CDC14B: variants seen among roughly 807,000 people sequenced by gnomAD.
CDC14B encodes the protein cell division cycle 14B.
CDC14B carries 22 observed loss-of-function variants against 64.2 expected under a neutral mutation model. That is an observed-to-expected ratio of 0.34 (90% CI 0.24 to 0.49). The LOEUF (loss-of-function observed/expected upper bound fraction) is 0.49, where lower values mean the gene tolerates loss of function less well. CDC14B is among the 20% of genes least tolerant of loss of function. The pLI is 0.99. For synonymous variants in CDC14B, 191 were observed against 215.8 expected (o/e 0.89, Z 1.01); for missense variants, 498 against 629.9 (o/e 0.79, Z 2.24).
chr9:96,509,259 A>G (rs1348385254), intron 13 of CDC14B, among the ~76,000 whole-genome samples: 1 of 152,208 alleles, frequency 6.6e-6, no homozygotes, highest in Non-Finnish European at 1.5e-5. Flanking sequence ...GAGGACAAAG[A>G]GTCACTAGGT....
chr9:96,551,201 C>T (rs769045335), intron 5 of CDC14B, among the ~76,000 whole-genome samples: 4 of 148,282 alleles, frequency 2.7e-5, no homozygotes, highest in Non-Finnish European at 4.4e-5. Flanking sequence ...ACTGCACCCT[C>T]GAACTCCTAG....
At chr9:96,617,266 G>T (rs182542519) in intron 1 of CDC14B, among the ~76,000 whole-genome samples, 3 of 151,792 alleles carry the variant, frequency 2.0e-5, no homozygotes, top group Middle Eastern at 3.4e-3. Context: ...CTATTTTTCT[G>T]AAGTTGATTA....
chr9:96,617,971 G>A (rs1588090004), intron 1 of CDC14B, among the ~76,000 whole-genome samples: 1 of 152,260 alleles, frequency 6.6e-6, no homozygotes, highest in South Asian at 2.1e-4. Flanking sequence ...AGTCTCAGCA[G>A]GCTTCACCTC....
downstream of CDC14B, chr9:96,496,393 T>TA (rs1833240194): frequency 2.1e-6 from 1 of 481,866 alleles, no homozygotes; most frequent in Non-Finnish European, 4.1e-6. Flanking sequence ...GCGCTGTACT[T>TA]ACCACCACCA....
intron 1 of CDC14B, among the ~76,000 whole-genome samples, chr9:96,583,216 C>T (rs1255353623): frequency 6.6e-6 from 1 of 152,038 alleles, no homozygotes; most frequent in African/African-American, 2.4e-5. Flanking sequence ...TGACTATCCA[C>T]ATATGCAGAT....
At chr9:96,595,078 G>T (rs886333008) in intron 1 of CDC14B, among the ~76,000 whole-genome samples, 1 of 152,154 alleles carries the variant, frequency 6.6e-6, no homozygotes, top group African/African-American at 2.4e-5. Context: ...TTGAACCCGG[G>T]AGGCAGAGGT....
At chr9:96,546,143 G>A (rs189592370) in intron 5 of CDC14B, among the ~76,000 whole-genome samples, 22 of 152,226 alleles carry the variant, frequency 1.4e-4, no homozygotes, top group South Asian at 8.3e-4. Context: ...CAAAAACTAC[G>A]AATGACCCAA....
chr9:96,548,814 A>AG (rs1160623986), intron 5 of CDC14B, among the ~76,000 whole-genome samples: 26 of 152,046 alleles, frequency 1.7e-4, no homozygotes, highest in East Asian at 7.7e-4. Flanking sequence ...AAAAAAAAAA[A>AG]AGAGAGAGAG....
chr9:96,619,080 C>T, intron 1 of CDC14B, 139 bp downstream of exon 1: 1 of 567,260 alleles, frequency 1.8e-6, no homozygotes, highest in Non-Finnish European at 2.5e-6. Flanking sequence ...GGTGTGGCGG[C>T]CGGGGCGTTT....
chr9:96,553,893 C>T (rs1017467310), intron 4 of CDC14B, among the ~76,000 whole-genome samples: 1 of 151,916 alleles, frequency 6.6e-6, no homozygotes, highest in African/African-American at 2.4e-5. Context: ...CGGAAGGGTG[C>T]GGTGGCTCAC....
At chr9:96,558,869 T>C (rs748962914) in intron 4 of CDC14B, among the ~76,000 whole-genome samples, 15 of 152,252 alleles carry the variant, frequency 9.9e-5, no homozygotes, top group Non-Finnish European at 2.2e-4. Context: ...TCATCTTTTA[T>C]ATTTTTCAAC....
chr9:96,512,378 A>C (rs1228744061), intron 12 of CDC14B, among the ~76,000 whole-genome samples: 2 of 141,414 alleles, frequency 1.4e-5, no homozygotes, highest in East Asian at 4.2e-4. Context: ...CCCAGGCTGG[A>C]GTGCAGTGGC....
intron 4 of CDC14B, among the ~76,000 whole-genome samples, chr9:96,555,791 C>A (rs1476428915): frequency 6.6e-6 from 1 of 152,166 alleles, no homozygotes; most frequent in Non-Finnish European, 1.5e-5. Flanking sequence ...AGTCATGGCA[C>A]AAAGTTCTTT....
intron 7 of CDC14B, among the ~76,000 whole-genome samples, chr9:96,535,301 C>G (rs1230575146): frequency 6.6e-6 from 1 of 152,038 alleles, no homozygotes; most frequent in Non-Finnish European, 1.5e-5. Context: ...GAGCGAAACT[C>G]TGTCTCAAAA....
At chr9:96,611,620 A>T (rs552708428) in intron 1 of CDC14B, among the ~76,000 whole-genome samples, 1 of 152,334 alleles carries the variant, frequency 6.6e-6, no homozygotes, top group East Asian at 1.9e-4. Context: ...CCAGGGTAAT[A>T]AAAAATAGAT....
chr9:96,505,459 A>G (rs1480452137), intron 13 of CDC14B, among the ~76,000 whole-genome samples: 1 of 152,200 alleles, frequency 6.6e-6, no homozygotes, highest in African/African-American at 2.4e-5. Flanking sequence ...CACCAGCGGA[A>G]GGGCTGCGTG....
At chr9:96,595,024 C>T (rs926952571) in intron 1 of CDC14B, among the ~76,000 whole-genome samples, 1 of 151,804 alleles carries the variant, frequency 6.6e-6, no homozygotes, top group Non-Finnish European at 1.5e-5. Context: ...GTGGCACGTG[C>T]CTGTAGTCCC....
chr9:96,619,365 CT>C lies in CDC14B; in HGVS notation c.13del (p.Ser5AlafsTer24), dbSNP rs1564401109. 8.2e-7 allele frequency: 1 copy of C among 1,225,678 alleles called. No homozygotes were observed. The highest frequency in any genetic ancestry group is 1.0e-6 in the Non-Finnish European group (1 of 981,254). 75.9% of individuals were successfully genotyped at this position (1,225,678 alleles called of 1,614,324 possible). A position where few individuals can be genotyped will look rare whatever the true frequency, so the allele number is the denominator to read the frequency against. MKRK[S>X]ERRSSWAAAP... ...GGCGGCCCAGCTCGACCGCCGCTCG[CT>C]TTTCCGCTTCATGGAGGCGGCCGCG... On this transcript the variant is annotated frameshift_variant, in exon 1 of 14. Transcript: ENST00000375241. LOFTEE classifies it high-confidence loss of function.
At chr9:96,538,901 T>C (rs528340441) in intron 7 of CDC14B, 177 bp downstream of exon 7, 2 of 557,152 alleles carry the variant, frequency 3.6e-6, no homozygotes, top group Non-Finnish European at 6.4e-6. Flanking sequence ...GACTAAATTA[T>C]GTGAGGTGAT....
Sources: allele counts gnomAD v4.1 joint callset (sites outside exome capture counted in the v4.1 genomes callset), GRCh38; gene constraint gnomAD v4.1.1; transcripts MANE v1.5; gene names NCBI Gene and HGNC (gene_info 2026-07-23, HGNC 2026-07-21).